LHFPL6: variants seen among roughly 807,000 people sequenced by gnomAD.
LHFPL6 encodes LHFPL tetraspan subfamily member 6 protein.
LHFPL6 carries 9 observed loss-of-function variants against 20.6 expected under a neutral mutation model. That is an observed-to-expected ratio of 0.44 (90% CI 0.26 to 0.76). LHFPL6 has a LOEUF of 0.76. Among genes scored for constraint, LHFPL6 ranks in the 30% least tolerant of loss-of-function variants. LHFPL6 has a pLI of 0.20. For missense variants in LHFPL6, 218 were observed against 253.5 expected, an observed-to-expected ratio of 0.86 and a Z score of 0.95; for synonymous variants, 105 against 98.7, an observed-to-expected ratio of 1.06 and a Z score of -0.38.
At chr13:39,442,656 T>C (rs1448075874) in intron 2 of LHFPL6, among the ~76,000 whole-genome samples, 1 of 152,234 alleles carries the variant, frequency 6.6e-6, no homozygotes, top group Non-Finnish European at 1.5e-5. Flanking sequence ...ATGTGTATTG[T>C]ATTAATGAAA....
intron 2 of LHFPL6, among the ~76,000 whole-genome samples, chr13:39,559,329 G>A (rs1871401000): frequency 6.6e-6 from 1 of 152,200 alleles, no homozygotes; most frequent in Admixed American, 6.5e-5. Context: ...GATCAGAGGA[G>A]ACAAAGTGTT....
chr13:39,457,891 A>G (rs7986356), intron 2 of LHFPL6, among the ~76,000 whole-genome samples: 6,115 of 152,276 alleles, frequency 0.04, 405 homozygotes, highest in African/African-American at 0.14. Context: ...AACATAGAAA[A>G]TGGCCACAGA....
At chr13:39,475,218 C>T (rs1390895895) in intron 2 of LHFPL6, among the ~76,000 whole-genome samples, 1 of 152,062 alleles carries the variant, frequency 6.6e-6, no homozygotes, top group Non-Finnish European at 1.5e-5. Context: ...ACAGAAGGAT[C>T]GAGAAACTGG....
chr13:39,558,416 A>G (rs1871372752), intron 2 of LHFPL6, among the ~76,000 whole-genome samples: 1 of 152,244 alleles, frequency 6.6e-6, no homozygotes, highest in South Asian at 2.1e-4. Context: ...CATCTCCAGC[A>G]AAGTTCAATA....
chr13:39,419,585 T>A (rs1166943987), intron 2 of LHFPL6, among the ~76,000 whole-genome samples: 1 of 152,256 alleles, frequency 6.6e-6, no homozygotes, highest in Middle Eastern at 3.2e-3. Context: ...ACTAAAGTTG[T>A]AATATTCCTA....
chr13:39,594,005 TA>T (rs1278692708), intron 2 of LHFPL6, among the ~76,000 whole-genome samples: 4 of 151,658 alleles, frequency 2.6e-5, no homozygotes, highest in Non-Finnish European at 5.9e-5. Flanking sequence ...CCTAAAACCA[TA>T]AAAACCCTAG....
chr13:39,432,739 G>T lies in LHFPL6; in HGVS notation c.386-54213C>A, dbSNP rs189702841. ...CCTCCTCCCACTCCACTCCCAAAAT[G>T]TAAGCCCCACAAATTCAGATATTTT... On this transcript the variant is annotated intron_variant, in intron 2 of 3. Transcript: ENST00000379589. 1.2e-3 allele frequency among the ~76,000 whole-genome samples: 190 copies of T among 152,170 alleles called. 6 individuals are homozygous for T. In the South Asian group the frequency reaches 0.038, roughly 30 times the overall value.
At chr13:39,394,068 A>G (rs1166258808) in intron 2 of LHFPL6, among the ~76,000 whole-genome samples, 1 of 152,200 alleles carries the variant, frequency 6.6e-6, no homozygotes, top group African/African-American at 2.4e-5. Flanking sequence ...CGCCTCCCAT[A>G]TAGCTGGGAC....
intron 2 of LHFPL6, among the ~76,000 whole-genome samples, chr13:39,489,446 C>A (rs1036981708): frequency 6.6e-6 from 1 of 152,114 alleles, no homozygotes; most frequent in African/African-American, 2.4e-5. Flanking sequence ...CATCTCTCAG[C>A]TCCTTCTTAA....
At chr13:39,466,446 C>G (rs940553667) in intron 2 of LHFPL6, among the ~76,000 whole-genome samples, 1 of 152,146 alleles carries the variant, frequency 6.6e-6, no homozygotes, top group African/African-American at 2.4e-5. Flanking sequence ...GAATATGTCT[C>G]TGTATTGAAA....
intron 3 of LHFPL6, among the ~76,000 whole-genome samples, chr13:39,352,952 TACATACATACACACACACAC>T (rs1566091698): frequency 4.3e-4 from 32 of 75,162 alleles, no homozygotes; most frequent in South Asian, 1.2e-3. Flanking sequence ...TATATATATA[TACATACATACACACACACAC>T]ATATATATAT....
At chr13:39,556,454 G>GGTCACCCCT (rs1334452940) in intron 2 of LHFPL6, among the ~76,000 whole-genome samples, 5 of 152,166 alleles carry the variant, frequency 3.3e-5, no homozygotes, top group African/African-American at 1.2e-4. Flanking sequence ...CTAGAGTAAT[G>GGTCACCCCT]GTCACCCCTG....
Position 39,412,278 on chromosome 13 carries a change from C to A in LHFPL6, c.386-33752G>T, listed in dbSNP as rs192591689. On this transcript the variant is annotated intron_variant, in intron 2 of 3. Coordinates refer to ENST00000379589, the MANE Select transcript of LHFPL6 (RefSeq NM_005780.3). Reference sequence around the variant, plus strand: ...AATATTCAACTATAAATGATCAGTGCACTTTATTTGAAGAACATTTGAGAA... The same window carrying A: ...AATATTCAACTATAAATGATCAGTGAACTTTATTTGAAGAACATTTGAGAA... Among the ~76,000 whole-genome samples, 353 of 152,216 alleles carry A rather than the reference C, an allele frequency of 2.3e-3. 2 individuals are homozygous for A. The highest frequency in any genetic ancestry group is 8.2e-3 in the African/African-American group (339 of 41,528).
At position 39,535,201 on chromosome 13, in the gene LHFPL6, T is replaced by C. The variant is rs141918303; in HGVS notation, c.385+65631A>G. Among the ~76,000 whole-genome samples the C allele has an allele frequency of 2.6e-3, 391 of 152,366 alleles. 3 individuals are homozygous for C. Among genetic ancestry groups the C allele is most frequent in the African/African-American group, 9.0e-3 (376 of 41,588 alleles). The stretch of plus-strand genomic sequence containing the variant: ...CCCACCCTAATGACTTTATCTTAAC[T>C]TGATTACATCTAAACAAGGTCAAAT... On this transcript the variant is annotated intron_variant, in intron 2 of 3. Coordinates refer to ENST00000379589, the MANE Select transcript of LHFPL6 (RefSeq NM_005780.3).
intron 2 of LHFPL6, among the ~76,000 whole-genome samples, chr13:39,419,110 G>T (rs138477555): frequency 6.6e-6 from 1 of 152,140 alleles, no homozygotes; most frequent in South Asian, 2.1e-4. Flanking sequence ...AATGTGGGCT[G>T]TACCAGTCCA....
At chr13:39,495,953 T>A (rs1402544636) in intron 2 of LHFPL6, among the ~76,000 whole-genome samples, 1 of 152,022 alleles carries the variant, frequency 6.6e-6, no homozygotes, top group Admixed American at 6.6e-5. Context: ...ATTTTACCTC[T>A]CTGAGCTTCA....
intron 2 of LHFPL6, among the ~76,000 whole-genome samples, chr13:39,555,858 G>A (rs1343757125): frequency 6.6e-6 from 1 of 152,168 alleles, no homozygotes; most frequent in East Asian, 1.9e-4. Flanking sequence ...GATGTTGCAG[G>A]TGGGACCTAG....
chr13:39,351,866 G>T (rs1377933629), intron 3 of LHFPL6, among the ~76,000 whole-genome samples: 1 of 152,178 alleles, frequency 6.6e-6, no homozygotes, highest in Non-Finnish European at 1.5e-5. Context: ...ATTTTTGTAT[G>T]TTACGTTCCT....
intron 2 of LHFPL6, among the ~76,000 whole-genome samples, chr13:39,439,726 G>T (rs544085355): frequency 3.1e-4 from 47 of 152,108 alleles, no homozygotes; most frequent in Non-Finnish European, 5.7e-4. Flanking sequence ...ATGAGATCTG[G>T]TTTTTTAAAA....
Sources: gnomAD v4.1 joint callset for allele counts (sites outside exome capture counted in the v4.1 genomes callset) on GRCh38, gnomAD v4.1.1 for gene constraint, MANE v1.5 for transcripts, NCBI Gene and HGNC (gene_info 2026-07-23, HGNC 2026-07-21) for gene names.